Variants in SCN9A observed in about 807,000 individuals in gnomAD.
The protein encoded by SCN9A is sodium voltage-gated channel alpha subunit 9.
In SCN9A, 131 loss-of-function variants were observed where a neutral mutation model predicts 187.0. That is an observed-to-expected ratio of 0.70 (90% CI 0.61 to 0.81). The LOEUF (loss-of-function observed/expected upper bound fraction) is 0.81. SCN9A is among the 30% of genes least tolerant of loss of function. The pLI, the probability that SCN9A is intolerant of heterozygous loss-of-function variation, is 0.00. For missense variants in SCN9A, 2,252 were observed against 2,396.6 expected (o/e 0.94, Z 1.26); for synonymous variants, 809 against 808.6 (o/e 1.00, Z -0.01).
At chr2:166,338,602 C>A (rs1466304530) in intron 1 of SCN9A, among the ~76,000 whole-genome samples, 1 of 152,152 alleles carries the variant, frequency 6.6e-6, no homozygotes, top group Non-Finnish European at 1.5e-5. Flanking sequence ...CCATAGTAAT[C>A]AAGAAAATTA....
intron 17 of SCN9A, among the ~76,000 whole-genome samples, chr2:166,257,162 T>TG (rs1696315066): frequency 6.6e-6 from 1 of 151,572 alleles, no homozygotes; most frequent in South Asian, 2.1e-4. Context: ...TGGAATACAG[T>TG]GGGTCAAGTC....
intron 24 of SCN9A, among the ~76,000 whole-genome samples, chr2:166,213,096 G>A (rs1381121697): frequency 6.6e-6 from 1 of 151,848 alleles, no homozygotes; most frequent in Admixed American, 6.6e-5. Context: ...AACAAACTAA[G>A]CCCAACATCA....
chr2:166,356,873 T>C (rs768804885), intron 1 of SCN9A, among the ~76,000 whole-genome samples: 33 of 152,320 alleles, frequency 2.2e-4, no homozygotes, highest in Middle Eastern at 3.4e-3. Context: ...TCCCACACTG[T>C]AGAACATTTA....
intron 16 of SCN9A, among the ~76,000 whole-genome samples, chr2:166,274,525 C>A (rs1697143584): frequency 6.6e-6 from 1 of 151,932 alleles, no homozygotes; most frequent in Admixed American, 6.6e-5. Context: ...AAAAGAGAAG[C>A]CAGTTTAGCA....
At chr2:166,242,097 A>T (rs991739404) in intron 19 of SCN9A, among the ~76,000 whole-genome samples, 1 of 152,150 alleles carries the variant, frequency 6.6e-6, no homozygotes, top group East Asian at 1.9e-4. Context: ...AGTTCCCCAG[A>T]TCCTTACTAG....
At chr2:166,221,937 C>A (rs1156566224) in intron 24 of SCN9A, among the ~76,000 whole-genome samples, 3 of 152,054 alleles carry the variant, frequency 2.0e-5, no homozygotes, top group Non-Finnish European at 2.9e-5. Context: ...AAATTGAATT[C>A]TTATATTATA....
At chr2:166,366,315 T>C (rs1700415984) in intron 1 of SCN9A, among the ~76,000 whole-genome samples, 1 of 152,242 alleles carries the variant, frequency 6.6e-6, no homozygotes. Context: ...AGCATGTCTC[T>C]TCTAGGTCCA....
chr2:166,233,099 A>G (rs1230313733), intron 21 of SCN9A, among the ~76,000 whole-genome samples: 1 of 147,786 alleles, frequency 6.8e-6, no homozygotes, highest in Non-Finnish European at 1.5e-5. Flanking sequence ...TATATACCAT[A>G]TATGCATACT....
At chr2:166,303,968 G>C in intron 6 of SCN9A, 1 of 1,459,198 alleles carries the variant, frequency 6.9e-7, no homozygotes, top group Non-Finnish European at 9.5e-7. Flanking sequence ...ATAAAGAAAG[G>C]TTTTTTTTAT....
At chr2:166,341,791 T>C (rs1699791663) in intron 1 of SCN9A, among the ~76,000 whole-genome samples, 1 of 152,240 alleles carries the variant, frequency 6.6e-6, no homozygotes, top group Admixed American at 6.5e-5. Context: ...TTCATTTCTT[T>C]ATTATTTTCT....
chr2:166,280,986 G>A (rs930701163), intron 13 of SCN9A, among the ~76,000 whole-genome samples: 1 of 152,084 alleles, frequency 6.6e-6, no homozygotes, highest in Non-Finnish European at 1.5e-5. Flanking sequence ...AGACTATTCT[G>A]TCCAGAAAAA....
At chr2:166,257,584 T>C (rs1004795706) in intron 17 of SCN9A, among the ~76,000 whole-genome samples, 3 of 151,660 alleles carry the variant, frequency 2.0e-5, no homozygotes, top group Non-Finnish European at 4.4e-5. Context: ...CAAGTCATTC[T>C]TAACTGAATA....
chr2:166,341,545 C>A (rs191085791), intron 1 of SCN9A, among the ~76,000 whole-genome samples: 2 of 152,252 alleles, frequency 1.3e-5, no homozygotes, highest in East Asian at 3.9e-4. Context: ...CTAGTTTAGC[C>A]AATATGCCTA....
intron 24 of SCN9A, among the ~76,000 whole-genome samples, chr2:166,217,213 C>T (rs1176072513): frequency 1.3e-5 from 2 of 151,808 alleles, no homozygotes; most frequent in African/African-American, 4.8e-5. Context: ...TAAAACCAAA[C>T]AAGTAAAAGA....
chr2:166,244,906 T>C (rs1277165964), intron 18 of SCN9A, among the ~76,000 whole-genome samples: 1 of 152,114 alleles, frequency 6.6e-6, no homozygotes, highest in Non-Finnish European at 1.5e-5. Context: ...AAGAAGGTGA[T>C]GGAGGAAATG....
chr2:166,207,329 A>ATTGT (rs1197169490), intron 24 of SCN9A, among the ~76,000 whole-genome samples: 4 of 145,652 alleles, frequency 2.7e-5, no homozygotes, highest in African/African-American at 1.1e-4. Context: ...TATTTTTTTA[A>ATTGT]TTGTTTGCTA....
In SCN9A at chr2:166,197,594, C is replaced by A. The variant is rs199902387; in HGVS notation, c.*1078G>T. 6.6e-6 allele frequency: 1 copy of A among 152,088 alleles called. No individual in the cohort carries two copies. Among genetic ancestry groups the A allele is most frequent in the South Asian group, 2.1e-4 (1 of 4,840 alleles). The allele number at this position is 152,088 out of a possible 1,614,324, so 9.4% of individuals were successfully genotyped here. On this transcript the variant is annotated 3_prime_UTR_variant, in exon 27 of 27. Transcript: ENST00000642356. The stretch of plus-strand genomic sequence containing the variant: ...ACATGATTTGAAAGCTTGCCAAACA[C>A]GGGATTGTATACAAGTGATGCAATA...
chr2:166,288,678 A>C (rs763763730), intron 9 of SCN9A, 35 bp from the exon 10 acceptor site: 154 of 1,490,040 alleles, frequency 1.0e-4, no homozygotes, highest in Non-Finnish European at 1.3e-4. Context: ...TTGAACAATA[A>C]AAAGTTTTTT....
At chr2:166,305,716 G>A in intron 5 of SCN9A, 76 bp downstream of exon 5, 1 of 1,581,132 alleles carries the variant, frequency 6.3e-7, no homozygotes. Flanking sequence ...AGACCCCAGA[G>A]GTTTGCTGTT....
Sources: allele counts gnomAD v4.1 joint callset (sites outside exome capture counted in the v4.1 genomes callset), GRCh38; gene constraint gnomAD v4.1.1; transcripts MANE v1.5; gene names NCBI Gene and HGNC (gene_info 2026-07-23, HGNC 2026-07-21).